LAPTM4A: variants seen among roughly 807,000 people sequenced by gnomAD.
LAPTM4A encodes the protein lysosomal protein transmembrane 4 alpha.
A neutral mutation model predicts 29.9 loss-of-function variants in LAPTM4A; 19 were observed. The observed-to-expected ratio is 0.64, with a 90% CI of 0.44 to 0.93. LAPTM4A has a LOEUF of 0.93. Among genes scored for constraint, LAPTM4A ranks in the 40% least tolerant of loss-of-function variants. The probability of loss-of-function intolerance (pLI) is 0.00; values close to 1 mark genes in which losing one functional copy is unlikely to be tolerated. For synonymous variants in LAPTM4A, 105 were observed against 102.1 expected, an observed-to-expected ratio of 1.03 and a Z score of -0.17; for missense variants, 293 against 288.5, an observed-to-expected ratio of 1.02 and a Z score of -0.11.
chr2:20,049,927 A>T (rs1261931786), intron 1 of LAPTM4A, among the ~76,000 whole-genome samples: 5 of 152,218 alleles, frequency 3.3e-5, no homozygotes, highest in Admixed American at 2.0e-4. Flanking sequence ...AATGAGACCC[A>T]GCCCCTCAGC....
At chr2:20,051,237 C>G (rs922166151) in intron 1 of LAPTM4A, among the ~76,000 whole-genome samples, 173 bp downstream of exon 1, 98 of 152,160 alleles carry the variant, frequency 6.4e-4, no homozygotes, top group African/African-American at 2.3e-3. Context: ...GATTCCTGAA[C>G]AAGGTTACTT....
At chr2:20,039,016 A>C (rs1204257732) in intron 2 of LAPTM4A, among the ~76,000 whole-genome samples, 4 of 151,998 alleles carry the variant, frequency 2.6e-5, no homozygotes, top group Non-Finnish European at 5.9e-5. Flanking sequence ...TCCCAGGTTC[A>C]TGAGATTCTT....
At chr2:20,049,488 T>A (rs1350003845) in intron 1 of LAPTM4A, among the ~76,000 whole-genome samples, 1 of 152,244 alleles carries the variant, frequency 6.6e-6, no homozygotes, top group Non-Finnish European at 1.5e-5. Flanking sequence ...CACTCCCTAT[T>A]TTGTAAGAAT....
At chr2:20,037,759 A>C in intron 2 of LAPTM4A, 145 bp from the exon 3 acceptor site, 1 of 526,372 alleles carries the variant, frequency 1.9e-6, no homozygotes, top group East Asian at 3.0e-5. Context: ...GGTAAAAAAA[A>C]AAAAAAAAAA....
At chr2:20,049,353 A>G (rs1271744848) in intron 1 of LAPTM4A, among the ~76,000 whole-genome samples, 1 of 152,258 alleles carries the variant, frequency 6.6e-6, no homozygotes, top group African/African-American at 2.4e-5. Context: ...TAATCTGAGA[A>G]GTCTATGCAA....
intron 1 of LAPTM4A, among the ~76,000 whole-genome samples, chr2:20,044,115 C>T (rs192256774): frequency 8.5e-5 from 13 of 152,326 alleles, no homozygotes; most frequent in Admixed American, 8.5e-4. Context: ...CAGGAACAAT[C>T]ACTTTTGCAA....
intron 4 of LAPTM4A, among the ~76,000 whole-genome samples, chr2:20,036,013 G>A (rs544221517): frequency 2.6e-4 from 39 of 152,224 alleles, no homozygotes; most frequent in Non-Finnish European, 5.4e-4. Context: ...GAAAAAAGCT[G>A]TTTTTTTGAT....
intron 2 of LAPTM4A, among the ~76,000 whole-genome samples, chr2:20,039,205 C>T (rs931481959): frequency 2.6e-5 from 4 of 152,204 alleles, no homozygotes; most frequent in Non-Finnish European, 4.4e-5. Context: ...GCATGAGCCA[C>T]CATGCACAGC....
At chr2:20,034,481 A>G in intron 5 of LAPTM4A, 66 bp from the exon 6 acceptor site, 1 of 1,103,286 alleles carries the variant, frequency 9.1e-7, no homozygotes, top group Non-Finnish European at 1.4e-6. Context: ...CTAAAATGCC[A>G]GTGACTTAGA....
At chr2:20,041,304 G>A (rs151112400) in intron 1 of LAPTM4A, among the ~76,000 whole-genome samples, 21 of 152,192 alleles carry the variant, frequency 1.4e-4, no homozygotes, top group African/African-American at 3.4e-4. Flanking sequence ...GTTCATGTTC[G>A]AAGCTACCTA....
chr2:20,051,375 C>T, intron 1 of LAPTM4A, 35 bp downstream of exon 1: 2 of 1,414,844 alleles, frequency 1.4e-6, no homozygotes, highest in Non-Finnish European at 2.0e-6. Context: ...CTCCCCAGGC[C>T]CCCCGGACAT....
At chr2:20,047,994 A>G (rs959241732) in intron 1 of LAPTM4A, among the ~76,000 whole-genome samples, 17 of 152,236 alleles carry the variant, frequency 1.1e-4, no homozygotes, top group African/African-American at 4.1e-4. Flanking sequence ...GCTTACTTGA[A>G]GTCAGAGGTG....
chr2:20,041,041 T>C (rs780128274), intron 1 of LAPTM4A, 30 bp from the exon 2 acceptor site: 1 of 1,610,978 alleles, frequency 6.2e-7, no homozygotes, highest in South Asian at 1.1e-5. Context: ...ATCAGTTACA[T>C]TAATTACCAT....
chr2:20,036,372 T>C (rs192863898), intron 4 of LAPTM4A, among the ~76,000 whole-genome samples: 90 of 152,342 alleles, frequency 5.9e-4, no homozygotes, highest in Non-Finnish European at 1.1e-3. Context: ...TGAGTACAAT[T>C]CAAATCTCAC....
chr2:20,050,281 G>A (rs1436505624), intron 1 of LAPTM4A, among the ~76,000 whole-genome samples: 1 of 152,186 alleles, frequency 6.6e-6, no homozygotes, highest in Non-Finnish European at 1.5e-5. Flanking sequence ...ATTCTCATCT[G>A]GCGTTTGTCC....
intron 4 of LAPTM4A, 95 bp downstream of exon 4, chr2:20,037,221 A>C (rs1401693301): frequency 2.0e-6 from 2 of 990,720 alleles, no homozygotes; most frequent in Non-Finnish European, 2.9e-6. Flanking sequence ...CAAGCGGAGT[A>C]GTTAAAAATA....
intron 1 of LAPTM4A, among the ~76,000 whole-genome samples, chr2:20,049,925 C>G (rs1012053571): frequency 6.6e-6 from 1 of 152,074 alleles, no homozygotes; most frequent in Admixed American, 6.6e-5. Flanking sequence ...GAAATGAGAC[C>G]CAGCCCCTCA....
At chr2:20,045,453 A>T (rs1300856827) in intron 1 of LAPTM4A, among the ~76,000 whole-genome samples, 1 of 147,070 alleles carries the variant, frequency 6.8e-6, no homozygotes, top group Non-Finnish European at 1.5e-5. Context: ...ACATAGCAAG[A>T]CCCCATCTCT....
At position 20,041,007 on chromosome 2, in the gene LAPTM4A, A is replaced by G; in HGVS notation, c.116T>C (p.Val39Ala). ...CAGCAAAATTGCCATCAATAGGTTT[A>G]CTACCTGGAAAAGATAACATTCTAT... Reference protein sequence around the residue: ...TIILGTWYMVVNLLMAILLTV... With the variant: ...TIILGTWYMVANLLMAILLTV... Residue 39 changes from valine to alanine, a missense_variant, in exon 2 of 7, where the codon GTA becomes GCA. Transcript: ENST00000175091. 1 of 1,613,912 alleles carries G rather than the reference A, an allele frequency of 6.2e-7. No homozygotes were observed.
Sources: allele counts gnomAD v4.1 joint callset (sites outside exome capture counted in the v4.1 genomes callset), GRCh38; gene constraint gnomAD v4.1.1; transcripts MANE v1.5; gene names NCBI Gene and HGNC (gene_info 2026-07-23, HGNC 2026-07-21).